The following WDR41 variants were observed in gnomAD, a reference collection of about 807,000 sequenced individuals.
WDR41 encodes the protein WD repeat domain 41, also known as WD repeat-containing protein 41.
Under a neutral mutation model 69.3 loss-of-function variants are expected in WDR41, and 63 were observed. The observed-to-expected ratio is 0.91, with a 90% CI of 0.74 to 1.12. WDR41 has a LOEUF of 1.12. Ranked by LOEUF, WDR41 falls within the 50% of genes most tolerant of loss-of-function variation. WDR41 has a pLI of 0.00. For missense variants in WDR41, 543 were observed against 534.5 expected (o/e 1.02, Z -0.16); for synonymous variants, 185 against 192.1 (o/e 0.96, Z 0.31).
intron 1 of WDR41, among the ~76,000 whole-genome samples, chr5:77,504,985 C>T (rs1364966042): frequency 6.6e-6 from 1 of 152,212 alleles, no homozygotes; most frequent in Non-Finnish European, 1.5e-5. Flanking sequence ...TGTTCTCTCT[C>T]ACCACTCCTA....
At chr5:77,493,097 A>G (rs1165519208), upstream of WDR41, among the ~76,000 whole-genome samples, 1 of 152,158 alleles carries the variant, frequency 6.6e-6, no homozygotes, top group East Asian at 1.9e-4. Flanking sequence ...GTAGCTTTTG[A>G]AAATGTAGAT....
At chr5:77,479,993 C>T (rs1185738805) in intron 2 of WDR41, 1 of 151,866 alleles carries the variant, frequency 6.6e-6, no homozygotes, top group Non-Finnish European at 1.5e-5. Context: ...AACAAACAAC[C>T]ACATCAAAAA....
chr5:77,441,044 T>G (rs190976785), intron 8 of WDR41, 47 bp from the exon 9 acceptor site: 2 of 1,589,778 alleles, frequency 1.3e-6, no homozygotes, highest in Admixed American at 3.5e-5. Flanking sequence ...TTTATCTATG[T>G]AAAGATATAA....
At chr5:77,500,053 T>C (rs1413323995) in intron 1 of WDR41, among the ~76,000 whole-genome samples, 16 of 152,304 alleles carry the variant, frequency 1.1e-4, no homozygotes, top group Non-Finnish European at 2.2e-4. Flanking sequence ...CCCAAATTAC[T>C]TGGCATATGG....
At chr5:77,597,491 A>C (rs79268655) in intron 1 of WDR41, among the ~76,000 whole-genome samples, 4,490 of 152,214 alleles carry the variant, frequency 0.029, 233 homozygotes, top group African/African-American at 0.1. Context: ...GATTAGGCAA[A>C]CTGTGGATGA....
intron 1 of WDR41, among the ~76,000 whole-genome samples, chr5:77,586,298 T>TTATG (rs1446256564): frequency 7.5e-5 from 9 of 120,450 alleles, no homozygotes; most frequent in Admixed American, 1.7e-4. Flanking sequence ...ATTTATTTAT[T>TTATG]TATGTATTTA....
intron 7 of WDR41, among the ~76,000 whole-genome samples, chr5:77,450,743 A>T (rs1312672445): frequency 2.0e-5 from 3 of 152,180 alleles, no homozygotes; most frequent in Non-Finnish European, 4.4e-5. Flanking sequence ...AGCATCACTA[A>T]CATCTGAGAA....
rs72769062 is a variant in WDR41, at chr5:77,464,914, G to A, written c.168-105C>T. On this transcript the variant is annotated intron_variant, in intron 2 of 12. Transcript: ENST00000296679. ...TAGTGGTATTTTGACTAATATTAAC[G>A]AAGATCAAGTTATTTCAGCTAATTT... The A allele has an allele frequency of 3.5e-3, 3,951 of 1,132,152 alleles. 9 individuals carry two copies. Among genetic ancestry groups the A allele is most frequent in the Non-Finnish European group, 4.5e-3 (3,437 of 770,736 alleles). The allele number at this position is 1,132,152 out of a possible 1,614,324, so 70.1% of individuals were successfully genotyped here.
chr5:77,470,738 T>C (rs1422284246), intron 2 of WDR41, among the ~76,000 whole-genome samples: 1 of 152,116 alleles, frequency 6.6e-6, no homozygotes, highest in East Asian at 1.9e-4. Context: ...CTATCCTAAA[T>C]ATATATGCAC....
chr5:77,594,298 G>T (rs1744184265), intron 1 of WDR41, among the ~76,000 whole-genome samples: 2 of 151,106 alleles, frequency 1.3e-5, no homozygotes, highest in South Asian at 2.1e-4. Context: ...ATAGCATTAG[G>T]AGATATACCT....
chr5:77,445,010 T>C (rs1046644063), intron 8 of WDR41, among the ~76,000 whole-genome samples: 2 of 151,944 alleles, frequency 1.3e-5, no homozygotes, highest in Non-Finnish European at 2.9e-5. Context: ...GCTGGTTTTT[T>C]GAAAAAATTA....
At chr5:77,446,036 G>A (rs1489997432) in intron 8 of WDR41, among the ~76,000 whole-genome samples, 1 of 152,120 alleles carries the variant, frequency 6.6e-6, no homozygotes, top group Non-Finnish European at 1.5e-5. Context: ...CATCATCTCA[G>A]CCCAAAAAAC....
intron 1 of WDR41, among the ~76,000 whole-genome samples, chr5:77,558,768 CT>C (rs1442911023): frequency 2.0e-5 from 3 of 152,118 alleles, no homozygotes; most frequent in Non-Finnish European, 4.4e-5. Context: ...GTTTGGCAGT[CT>C]CTTAAACTCA....
At chr5:77,616,237 G>A (rs908203235) in intron 1 of WDR41, among the ~76,000 whole-genome samples, 8 of 151,678 alleles carry the variant, frequency 5.3e-5, no homozygotes, top group Admixed American at 3.3e-4. Flanking sequence ...CACAGGTCAC[G>A]AAATAAATCC....
intron 1 of WDR41, among the ~76,000 whole-genome samples, chr5:77,505,457 G>A (rs939625438): frequency 1.3e-5 from 2 of 152,136 alleles, no homozygotes; most frequent in Non-Finnish European, 2.9e-5. Flanking sequence ...ACTGCCCGAG[G>A]TAATTTATAG....
intron 1 of WDR41, among the ~76,000 whole-genome samples, chr5:77,611,043 T>C (rs996012594): frequency 5.9e-4 from 89 of 151,892 alleles, no homozygotes; most frequent in African/African-American, 2.1e-3. Flanking sequence ...CCAACAAAGA[T>C]CAAAAGAGAC....
At chr5:77,594,656 T>C (rs1744193790) in intron 1 of WDR41, among the ~76,000 whole-genome samples, 1 of 152,192 alleles carries the variant, frequency 6.6e-6, no homozygotes, top group South Asian at 2.1e-4. Flanking sequence ...ATCAACAGGC[T>C]AGAAGTCTAC....
intron 4 of WDR41, among the ~76,000 whole-genome samples, chr5:77,461,359 A>AT (rs1003284418): frequency 3.9e-5 from 6 of 152,084 alleles, no homozygotes; most frequent in Non-Finnish European, 7.4e-5. Context: ...TTTTCTTGAC[A>AT]TTTTTTCAGC....
At chr5:77,474,026 G>T (rs1391095110) in intron 2 of WDR41, among the ~76,000 whole-genome samples, 1 of 152,156 alleles carries the variant, frequency 6.6e-6, no homozygotes, top group Non-Finnish European at 1.5e-5. Flanking sequence ...CAAAGACTTG[G>T]AACCAACCCA....
Sources: allele counts gnomAD v4.1 joint callset (sites outside exome capture counted in the v4.1 genomes callset), GRCh38; gene constraint gnomAD v4.1.1; transcripts MANE v1.5; gene names NCBI Gene and HGNC (gene_info 2026-07-23, HGNC 2026-07-21).